The following MALRD1 variants were observed in gnomAD, a reference collection of about 807,000 sequenced individuals.
MALRD1 encodes MAM and LDL-receptor class A domain-containing protein 1.
A neutral mutation model predicts 242.1 loss-of-function variants in MALRD1; 247 were observed. The ratio of observed to expected loss-of-function variants is 1.02; its 90% CI spans 0.92 to 1.13. The LOEUF (loss-of-function observed/expected upper bound fraction) is 1.13, where lower values mean the gene tolerates loss of function less well. Ranked by LOEUF, MALRD1 falls within the 50% of genes most tolerant of loss-of-function variation. The probability of loss-of-function intolerance (pLI) is 0.00; values close to 1 mark genes in which losing one functional copy is unlikely to be tolerated. For missense variants in MALRD1, 2,989 were observed against 2,533.1 expected, an observed-to-expected ratio of 1.18 and a Z score of -3.86; for synonymous variants, 995 against 866.6, an observed-to-expected ratio of 1.15 and a Z score of -2.60.
intron 4 of MALRD1, among the ~76,000 whole-genome samples, chr10:19,096,181 C>T (rs1836024855): frequency 6.6e-6 from 1 of 152,106 alleles, no homozygotes; most frequent in South Asian, 2.1e-4. Flanking sequence ...TTCAAAATAA[C>T]GTCCTTGTTT....
Position 19,498,499 on chromosome 10 carries a change from A to C in MALRD1, c.5173A>C (p.Thr1725Pro). 1 of 1,550,086 alleles carries C rather than the reference A, an allele frequency of 6.5e-7. No homozygotes were observed. The highest frequency in any genetic ancestry group is 8.7e-7 in the Non-Finnish European group (1 of 1,146,626). ...DEAHCAHYTS[T>P]TGSCNFETSS... ...TGCTTCCCCAGCACATTATACAAGC[A>C]CAACAGGAAGCTGCAATTTTGAAAC... The change falls in exon 31 of 40, where the codon ACA becomes CCA. Residue 1725 changes from threonine (T) to proline (P), a missense_variant. By Grantham distance (38) the Thr-to-Pro change is conservative. Transcript: ENST00000454679.
At chr10:19,551,074 C>CT (rs1353975480) in intron 32 of MALRD1, among the ~76,000 whole-genome samples, 2 of 151,886 alleles carry the variant, frequency 1.3e-5, no homozygotes, top group South Asian at 4.2e-4. Context: ...ACTGATTGAG[C>CT]TTCTTTTTCA....
At chr10:19,625,456 C>T (rs1285883194) in intron 36 of MALRD1, among the ~76,000 whole-genome samples, 1 of 151,932 alleles carries the variant, frequency 6.6e-6, no homozygotes, top group Non-Finnish European at 1.5e-5. Context: ...GTAGAATATC[C>T]TCTCTAGAAC....
chr10:19,084,351 A>T (rs1835596001), intron 2 of MALRD1, among the ~76,000 whole-genome samples: 1 of 151,896 alleles, frequency 6.6e-6, no homozygotes, highest in Non-Finnish European at 1.5e-5. Context: ...TATTTCTATA[A>T]GTTTTGACAT....
chr10:19,716,295 T>C (rs1834383746), intron 38 of MALRD1, among the ~76,000 whole-genome samples: 1 of 152,142 alleles, frequency 6.6e-6, no homozygotes, highest in Non-Finnish European at 1.5e-5. Flanking sequence ...GGGAGGTGAT[T>C]GAATCATGGG....
At chr10:19,487,711 G>A (rs1011629500) in intron 29 of MALRD1, among the ~76,000 whole-genome samples, 2 of 152,084 alleles carry the variant, frequency 1.3e-5, no homozygotes, top group Admixed American at 6.6e-5. Flanking sequence ...ATTCTCGCTA[G>A]TGTTAATTAA....
At chr10:19,450,670 A>T (rs1052061611) in intron 29 of MALRD1, among the ~76,000 whole-genome samples, 180 bp downstream of exon 29, 25 of 152,368 alleles carry the variant, frequency 1.6e-4, no homozygotes, top group African/African-American at 5.8e-4. Context: ...TACCTATCTT[A>T]GTCTGTTTGG....
At chr10:19,315,100 A>C (rs545292767) in intron 21 of MALRD1, among the ~76,000 whole-genome samples, 1 of 140,882 alleles carries the variant, frequency 7.1e-6, no homozygotes, top group Admixed American at 7.3e-5. Flanking sequence ...ATGTAAATAT[A>C]ATTTATAGAA....
Position 19,104,085 on chromosome 10 carries a change from T to C in MALRD1, c.694+10T>C. 8.3e-7 allele frequency: 1 copy of C among 1,211,728 alleles called. No individual in the cohort carries two copies. Among genetic ancestry groups the C allele is most frequent in the Non-Finnish European group, 1.0e-6 (1 of 968,080 alleles). The allele number at this position is 1,211,728 out of a possible 1,614,324, so 75.1% of individuals were successfully genotyped here. ...TGCTTGCCTGCCAATGGTAAGAACT[T>C]TTTCTCTCATTTTGATCTTTACTGT... On this transcript the variant is annotated intron_variant, in intron 5 of 39. Coordinates refer to ENST00000454679, the MANE Select transcript of MALRD1 (RefSeq NM_001142308.3).
chr10:19,118,395 G>C (rs781355307), intron 5 of MALRD1, among the ~76,000 whole-genome samples: 1 of 152,142 alleles, frequency 6.6e-6, no homozygotes, highest in Non-Finnish European at 1.5e-5. Flanking sequence ...ATGAATGCAA[G>C]ATGTACATTG....
At chr10:19,124,458 C>T in intron 6 of MALRD1, 66 bp from the exon 7 acceptor site, 4 of 1,211,282 alleles carry the variant, frequency 3.3e-6, no homozygotes, top group African/African-American at 1.6e-5. Flanking sequence ...GATTACAACA[C>T]ATAACTTGGT....
At chr10:19,443,998 TG>T (rs1834816606) in intron 28 of MALRD1, among the ~76,000 whole-genome samples, 1 of 152,256 alleles carries the variant, frequency 6.6e-6, no homozygotes, top group Non-Finnish European at 1.5e-5. Flanking sequence ...GCTCCTGTAT[TG>T]GGTGCATATA....
At chr10:19,149,514 CAG>C (rs1180020488) in intron 11 of MALRD1, among the ~76,000 whole-genome samples, 1 of 152,064 alleles carries the variant, frequency 6.6e-6, no homozygotes, top group Admixed American at 6.6e-5. Flanking sequence ...TAGTCACACA[CAG>C]ATATATATAT....
At chr10:19,240,125 A>G (rs1383585959) in intron 18 of MALRD1, among the ~76,000 whole-genome samples, 1 of 152,134 alleles carries the variant, frequency 6.6e-6, no homozygotes, top group Non-Finnish European at 1.5e-5. Context: ...CTTCCAATCC[A>G]TGAGTATATA....
chr10:19,050,058 G>A (rs534090458), intron 1 of MALRD1, among the ~76,000 whole-genome samples: 3 of 150,786 alleles, frequency 2.0e-5, no homozygotes, highest in East Asian at 2.0e-4. Context: ...ATTATTGTAG[G>A]TCACTTAACT....
intron 4 of MALRD1, among the ~76,000 whole-genome samples, chr10:19,099,616 T>C (rs1836174835): frequency 6.6e-6 from 1 of 152,042 alleles, no homozygotes; most frequent in Non-Finnish European, 1.5e-5. Context: ...TCCAACATTA[T>C]TAAAATGAGG....
intron 28 of MALRD1, among the ~76,000 whole-genome samples, chr10:19,406,742 G>A (rs1166549909): frequency 3.3e-5 from 5 of 152,086 alleles, no homozygotes; most frequent in South Asian, 2.1e-4. Context: ...ACATTCTGCC[G>A]TTCTCACACA....
intron 28 of MALRD1, among the ~76,000 whole-genome samples, chr10:19,429,762 C>T (rs1485409586): frequency 1.3e-5 from 2 of 152,086 alleles, no homozygotes; most frequent in African/African-American, 4.8e-5. Context: ...TGATCAGTTC[C>T]ATTAATGAAT....
chr10:19,445,541 C>A (rs149450984), intron 28 of MALRD1, among the ~76,000 whole-genome samples: 1 of 152,196 alleles, frequency 6.6e-6, no homozygotes, highest in Non-Finnish European at 1.5e-5. Context: ...ACAGTCAGGA[C>A]CCTCAGCTGC....
Sources: allele counts gnomAD v4.1 joint callset (sites outside exome capture counted in the v4.1 genomes callset), GRCh38; gene constraint gnomAD v4.1.1; transcripts MANE v1.5; gene names NCBI Gene and HGNC (gene_info 2026-07-23, HGNC 2026-07-21).